PDLIM5: variants seen among roughly 807,000 people sequenced by gnomAD.
The protein encoded by PDLIM5 is PDZ and LIM domain 5.
PDLIM5 carries 34 observed loss-of-function variants against 64.2 expected under a neutral mutation model. The ratio of observed to expected loss-of-function variants is 0.53; its 90% CI spans 0.40 to 0.71. The LOEUF is 0.71. Ranked by LOEUF, PDLIM5 falls within the 30% of genes least tolerant of loss-of-function variation. The probability of loss-of-function intolerance (pLI) is 0.00; values close to 1 mark genes in which losing one functional copy is unlikely to be tolerated. For missense variants in PDLIM5, 683 were observed against 733.6 expected (o/e 0.93, Z 0.80); for synonymous variants, 253 against 269.1 (o/e 0.94, Z 0.59).
intron 8 of PDLIM5, among the ~76,000 whole-genome samples, chr4:94,624,165 G>A (rs1051833845): frequency 6.6e-6 from 1 of 151,050 alleles, no homozygotes; most frequent in African/African-American, 2.4e-5. Flanking sequence ...AAAAAAAAAA[G>A]AAGTTGGCTG....
At chr4:94,540,365 G>A (rs2452583) in intron 3 of PDLIM5, among the ~76,000 whole-genome samples, 34,641 of 152,104 alleles carry the variant, frequency 0.23, 4,185 homozygotes, top group East Asian at 0.41. Flanking sequence ...TGATCCGCCC[G>A]CCTCGGCCTC....
At chr4:94,462,440 A>G (rs973428944) in intron 2 of PDLIM5, among the ~76,000 whole-genome samples, 1 of 151,898 alleles carries the variant, frequency 6.6e-6, no homozygotes, top group African/African-American at 2.4e-5. Flanking sequence ...CTTTTTTACC[A>G]CTACACTGTG....
chr4:94,513,986 G>C (rs1402975687), intron 2 of PDLIM5, among the ~76,000 whole-genome samples: 1 of 152,022 alleles, frequency 6.6e-6, no homozygotes, highest in Non-Finnish European at 1.5e-5. Flanking sequence ...TGATCATATG[G>C]TTTTTGTCCT....
At chr4:94,478,016 G>A (rs1250958867) in intron 2 of PDLIM5, among the ~76,000 whole-genome samples, 2 of 152,130 alleles carry the variant, frequency 1.3e-5, no homozygotes, top group Non-Finnish European at 2.9e-5. Flanking sequence ...CCAGCACTTT[G>A]GGAGGCCGAG....
At chr4:94,538,434 G>C (rs1731499722) in intron 3 of PDLIM5, among the ~76,000 whole-genome samples, 2 of 152,142 alleles carry the variant, frequency 1.3e-5, no homozygotes, top group East Asian at 3.9e-4. Flanking sequence ...TGACAGCTCT[G>C]TGACAACTCT....
At position 94,478,898 on chromosome 4, in the gene PDLIM5, T is replaced by TG. The variant is rs1560642854; in HGVS notation, c.96+23514_96+23515insG. 5.6e-3 allele frequency among the ~76,000 whole-genome samples: 777 copies of TG among 138,760 alleles called. 12 individuals carry two copies. The highest frequency in any genetic ancestry group is 0.022 in the African/African-American group (732 of 33,146). The allele number at this position is 138,760 out of a possible 152,430, so 91.0% of individuals were successfully genotyped here. On this transcript the variant is annotated intron_variant, in intron 2 of 12. Transcript: ENST00000317968. ...AGGTAGGTGTGCTTGGTGTTTTTTT[T>TG]TTTTTTTTTTTTTTTTTTTAAGACA... is the stretch of plus-strand genomic sequence containing the variant.
At chr4:94,654,163 A>G (rs1465516028) in intron 9 of PDLIM5, among the ~76,000 whole-genome samples, 1 of 152,150 alleles carries the variant, frequency 6.6e-6, no homozygotes, top group Non-Finnish European at 1.5e-5. Context: ...CCCATGATGC[A>G]GACAGATTGC....
chr4:94,515,035 C>T (rs1402475536), intron 2 of PDLIM5, among the ~76,000 whole-genome samples: 2 of 152,152 alleles, frequency 1.3e-5, no homozygotes, highest in Non-Finnish European at 2.9e-5. Context: ...ACTTAAAAGA[C>T]TAAATAGTAG....
chr4:94,662,513 G>A lies in PDLIM5; in HGVS notation c.1677G>A (p.Trp559Ter). 1 of 1,591,288 alleles carries A rather than the reference G, an allele frequency of 6.3e-7. No individual in the cohort carries two copies. Among genetic ancestry groups the A allele is most frequent in the Non-Finnish European group, 8.6e-7 (1 of 1,159,272 alleles). Residue 559 changes from tryptophan (W) to a stop codon, truncating the protein, a stop_gained, in exon 12 of 13, where the codon TGG becomes TGA. Coordinates refer to ENST00000317968, the MANE Select transcript of PDLIM5 (RefSeq NM_006457.5). LOFTEE classifies it high-confidence loss of function. ...TCCTGGAAGCTCTGGGCTACACCTGGCATGACACTTGCTTTGTATGCTCAG... is the reference window on the plus strand; with the variant it reads ...TCCTGGAAGCTCTGGGCTACACCTGACATGACACTTGCTTTGTATGCTCAG... ...DMFLEALGYT[W>*]HDTCFVCSVC...
At chr4:94,485,928 A>G (rs2126112813) in intron 2 of PDLIM5, among the ~76,000 whole-genome samples, 1 of 152,134 alleles carries the variant, frequency 6.6e-6, no homozygotes, top group South Asian at 2.1e-4. Flanking sequence ...ATCATGTGAC[A>G]TCGGTGTGGT....
intron 8 of PDLIM5, among the ~76,000 whole-genome samples, chr4:94,626,642 T>C (rs1739720423): frequency 6.6e-6 from 1 of 152,230 alleles, no homozygotes; most frequent in African/African-American, 2.4e-5. Flanking sequence ...GAAATTTAGA[T>C]CATTTGGCTA....
At chr4:94,561,392 G>A (rs1733832023) in intron 3 of PDLIM5, among the ~76,000 whole-genome samples, 1 of 152,176 alleles carries the variant, frequency 6.6e-6, no homozygotes. Context: ...TATTCAGCAA[G>A]AACATTTTAG....
chr4:94,585,049 A>G (rs1374423593), intron 5 of PDLIM5: 2 of 986,416 alleles, frequency 2.0e-6, no homozygotes, highest in Non-Finnish European at 1.5e-6. Flanking sequence ...TTTTATATTA[A>G]CATTATAAGT....
intron 2 of PDLIM5, among the ~76,000 whole-genome samples, chr4:94,500,606 G>A (rs367847203): frequency 8.5e-5 from 13 of 152,074 alleles, no homozygotes; most frequent in African/African-American, 2.9e-4. Context: ...AGAAGTGATA[G>A]CAACTAAAAT....
intron 2 of PDLIM5, among the ~76,000 whole-genome samples, chr4:94,521,749 G>C (rs1729847485): frequency 6.6e-6 from 1 of 151,822 alleles, no homozygotes; most frequent in Non-Finnish European, 1.5e-5. Flanking sequence ...CTTCTGTTGG[G>C]TACACTTAGA....
intron 2 of PDLIM5, among the ~76,000 whole-genome samples, chr4:94,494,756 C>G (rs2510798): frequency 0.19 from 28,138 of 150,014 alleles, 3,106 homozygotes; most frequent in Non-Finnish European, 0.25. Flanking sequence ...TTTTTGCTAT[C>G]GTTGTTTTTT....
chr4:94,555,357 A>G (rs1733194980), intron 3 of PDLIM5, among the ~76,000 whole-genome samples: 1 of 152,218 alleles, frequency 6.6e-6, no homozygotes. Context: ...ACCGGCCTAA[A>G]TGCATTTTTT....
rs34215993 is a variant in PDLIM5 at position 94,524,368 on chromosome 4, CAAAAAAAAAA to C, written c.248+510_248+519del. 5.4e-3 allele frequency among the ~76,000 whole-genome samples: 415 copies of C among 77,214 alleles called. 1 individual carries two copies. Among genetic ancestry groups the C allele is most frequent in the Non-Finnish European group, 9.2e-3 (348 of 37,760 alleles). The allele number at this position is 77,214 out of a possible 152,430, so 50.7% of individuals were successfully genotyped here. A position where few individuals can be genotyped will look rare whatever the true frequency, so the allele number is the denominator to read the frequency against. ...TGGGTGACAGAACGAGACCCTGTCT[CAAAAAAAAAA>C]AAAAAAAAAAAAAAAATTGTGTATA... On this transcript the variant is annotated intron_variant, in intron 3 of 12. Transcript: ENST00000317968.
At chr4:94,528,237 C>T (rs532779180) in intron 3 of PDLIM5, among the ~76,000 whole-genome samples, 46 of 152,292 alleles carry the variant, frequency 3.0e-4, no homozygotes, top group African/African-American at 1.1e-3. Flanking sequence ...AAACCCAAAT[C>T]GAGTGTCTCC....
Sources: allele counts gnomAD v4.1 joint callset (sites outside exome capture counted in the v4.1 genomes callset), GRCh38; gene constraint gnomAD v4.1.1; transcripts MANE v1.5; gene names NCBI Gene and HGNC (gene_info 2026-07-23, HGNC 2026-07-21).